The following GAB1 variants were observed in gnomAD, a reference collection of about 807,000 sequenced individuals.
GAB1 encodes the protein GRB2 associated binding protein 1, also known as GRB2-associated-binding protein 1.
In GAB1, 19 loss-of-function variants were observed where a neutral mutation model predicts 66.5. The ratio of observed to expected loss-of-function variants is 0.29; its 90% CI spans 0.20 to 0.42. The LOEUF (loss-of-function observed/expected upper bound fraction) is 0.42. Ranked by LOEUF, GAB1 falls within the 10% of genes least tolerant of loss-of-function variation. The probability of loss-of-function intolerance (pLI) is 1.00; values close to 1 mark genes in which losing one functional copy is unlikely to be tolerated. For missense variants in GAB1, 732 were observed against 858.5 expected (o/e 0.85, Z 1.84); for synonymous variants, 294 against 301.4 (o/e 0.98, Z 0.25).
intron 1 of GAB1, among the ~76,000 whole-genome samples, chr4:143,381,735 A>G (rs565252772): frequency 6.6e-6 from 1 of 152,352 alleles, no homozygotes; most frequent in South Asian, 2.1e-4. Flanking sequence ...TATAGGCATT[A>G]TAAAGACAAC....
At chr4:143,449,577 T>C (rs972460842) in intron 6 of GAB1, among the ~76,000 whole-genome samples, 10 of 152,188 alleles carry the variant, frequency 6.6e-5, no homozygotes, top group African/African-American at 2.4e-4. Flanking sequence ...TCTTTGTTGG[T>C]TTAAAGTCTG....
chr4:143,389,684 CTTT>C (rs1560735357), intron 1 of GAB1, among the ~76,000 whole-genome samples: 1 of 152,194 alleles, frequency 6.6e-6, no homozygotes, highest in Non-Finnish European at 1.5e-5. Flanking sequence ...CCTAACTCTA[CTTT>C]TGTTTACTAT....
intron 1 of GAB1, among the ~76,000 whole-genome samples, chr4:143,382,189 T>G (rs1730685118): frequency 6.6e-6 from 1 of 152,262 alleles, no homozygotes; most frequent in South Asian, 2.1e-4. Context: ...TGTTATGCAC[T>G]TTCTTCATTG....
chr4:143,382,699 A>G (rs559813427), intron 1 of GAB1, among the ~76,000 whole-genome samples: 1 of 152,284 alleles, frequency 6.6e-6, no homozygotes, highest in East Asian at 1.9e-4. Flanking sequence ...AGTCTGAGAA[A>G]CAACACTTGG....
intron 1 of GAB1, among the ~76,000 whole-genome samples, chr4:143,413,415 A>G (rs1458549393): frequency 1.3e-5 from 2 of 152,352 alleles, no homozygotes; most frequent in Non-Finnish European, 1.5e-5. Context: ...TAAAACATCT[A>G]TAGGACTCTA....
intron 1 of GAB1, 116 bp from the exon 2 acceptor site, chr4:143,415,361 A>G (rs924219034): frequency 4.9e-5 from 39 of 800,952 alleles, no homozygotes; most frequent in Non-Finnish European, 7.4e-5. Flanking sequence ...ACAAACACAC[A>G]CATATTGTGA....
intron 3 of GAB1, among the ~76,000 whole-genome samples, chr4:143,433,920 C>A (rs904157228): frequency 6.6e-6 from 1 of 152,240 alleles, no homozygotes; most frequent in South Asian, 2.1e-4. Flanking sequence ...CGAAGAGACA[C>A]AATCTCTGCC....
intron 2 of GAB1, among the ~76,000 whole-genome samples, chr4:143,417,009 C>G (rs1732728162): frequency 6.6e-6 from 1 of 151,902 alleles, no homozygotes; most frequent in Non-Finnish European, 1.5e-5. Flanking sequence ...TGAACAAGTA[C>G]CAAACAAATG....
intron 2 of GAB1, among the ~76,000 whole-genome samples, chr4:143,419,031 G>A (rs1414752377): frequency 2.0e-5 from 3 of 152,040 alleles, no homozygotes; most frequent in Non-Finnish European, 4.4e-5. Context: ...ACTCTACTAG[G>A]CTGTGGGAAT....
At chr4:143,368,234 A>G (rs1729971691) in intron 1 of GAB1, among the ~76,000 whole-genome samples, 1 of 151,822 alleles carries the variant, frequency 6.6e-6, no homozygotes, top group Non-Finnish European at 1.5e-5. Flanking sequence ...TTCTATTCTA[A>G]TGATAATTAA....
intron 6 of GAB1, among the ~76,000 whole-genome samples, chr4:143,445,832 G>T (rs1734486014): frequency 6.6e-6 from 1 of 152,074 alleles, no homozygotes; most frequent in African/African-American, 2.4e-5. Context: ...TAGGGTACAT[G>T]TGCACAATGT....
rs190112865 is a variant in GAB1 at position 143,389,966 on chromosome 4, A to G, written c.73-25511A>G. On this transcript the variant is annotated intron_variant, in intron 1 of 9. Coordinates refer to ENST00000262994, the MANE Select transcript of GAB1 (RefSeq NM_002039.4). ...TAGCTTTAAAAGTTTGGGAGGAGTG[A>G]AGGTGTGTGTCCTCATATTACTAAA... is the stretch of plus-strand genomic sequence containing the variant. Among the ~76,000 whole-genome samples the G allele has an allele frequency of 5.4e-4, 83 of 152,308 alleles. 1 individual carries two copies. In the East Asian group the frequency reaches 0.015, roughly 27 times the overall value.
At chr4:143,342,805 C>T (rs550013585) in intron 1 of GAB1, among the ~76,000 whole-genome samples, 25 of 151,724 alleles carry the variant, frequency 1.6e-4, no homozygotes, top group African/African-American at 4.6e-4. Context: ...TCAGGTGATC[C>T]GCCCGCCTCA....
chr4:143,461,665 A>G (rs773191469), intron 8 of GAB1, among the ~76,000 whole-genome samples: 1 of 152,174 alleles, frequency 6.6e-6, no homozygotes. Flanking sequence ...TAAAAATCCC[A>G]TGCATATGGG....
Position 143,469,033 on chromosome 4 carries a change from A to C in GAB1, c.1929A>C (p.Gln643His). The change falls in exon 10 of 10, where the codon CAA becomes CAC. Residue 643 changes from glutamine (Q) to histidine (H), a missense_variant and splice_region_variant. Coordinates refer to ENST00000262994, the MANE Select transcript of GAB1 (RefSeq NM_002039.4). ...TTTGTTTTTTCTTTGTGTTTTAGCA[A>C]AAGAGCAGTGGCTCAGGCAGCAGTG... The part of the protein sequence containing the change: ...DSGKSTPPRK[Q>H]KSSGSGSSVA... The C allele has an allele frequency of 6.2e-7, 1 of 1,613,472 alleles. No individual in the cohort carries two copies. Among genetic ancestry groups the C allele is most frequent in the South Asian group, 1.1e-5 (1 of 91,060 alleles).
At position 143,440,107 on chromosome 4, in the gene GAB1, G is replaced by C; in HGVS notation, c.1310G>C (p.Ser437Thr). ...GTCAAAAATGTGTTGACAGTGGGAAGTGTTTCAAGTGAAGAACTGGATGAA... is the reference window on the plus strand; with the variant it reads ...GTCAAAAATGTGTTGACAGTGGGAACTGTTTCAAGTGAAGAACTGGATGAA... ...FKVKNVLTVG[S>T]VSSEELDENY... Residue 437 changes from serine (S) to threonine (T), a missense_variant, in exon 6 of 10, where the codon AGT becomes ACT. Ser to Thr is a moderately conservative substitution (Grantham distance 58). Coordinates refer to ENST00000262994, the MANE Select transcript of GAB1 (RefSeq NM_002039.4). 6.2e-7 allele frequency: 1 copy of C among 1,614,124 alleles called. No homozygotes were observed. The highest frequency in any genetic ancestry group is 8.5e-7 in the Non-Finnish European group (1 of 1,179,992).
intron 1 of GAB1, among the ~76,000 whole-genome samples, chr4:143,412,250 G>C (rs1732432532): frequency 6.6e-6 from 1 of 152,264 alleles, no homozygotes; most frequent in East Asian, 1.9e-4. Flanking sequence ...GTGCTTTTCT[G>C]TTTTTGCCAT....
At chr4:143,456,025 G>T (rs994199395) in intron 6 of GAB1, among the ~76,000 whole-genome samples, 12 of 152,182 alleles carry the variant, frequency 7.9e-5, no homozygotes, top group African/African-American at 2.9e-4. Flanking sequence ...TTCTTTGGAT[G>T]AATCTCATTC....
chr4:143,366,723 C>A (rs113271231), intron 1 of GAB1, among the ~76,000 whole-genome samples: 1 of 152,094 alleles, frequency 6.6e-6, no homozygotes, highest in African/African-American at 2.4e-5. Flanking sequence ...AAATGGACTA[C>A]ACTAAATATT....
Sources: gnomAD v4.1 joint callset for allele counts (sites outside exome capture counted in the v4.1 genomes callset) on GRCh38, gnomAD v4.1.1 for gene constraint, MANE v1.5 for transcripts, NCBI Gene and HGNC (gene_info 2026-07-23, HGNC 2026-07-21) for gene names.